Variants in TAX1BP1 observed in about 807,000 individuals in gnomAD.
The protein encoded by TAX1BP1 is tax1-binding protein 1.
A neutral mutation model predicts 97.7 loss-of-function variants in TAX1BP1; 62 were observed. That is an observed-to-expected ratio of 0.63 (90% CI 0.52 to 0.78). The LOEUF is 0.78. Among genes scored for constraint, TAX1BP1 ranks in the 30% least tolerant of loss-of-function variants. The pLI, the probability that TAX1BP1 is intolerant of heterozygous loss-of-function variation, is 0.00. For missense variants in TAX1BP1, 867 were observed against 916.1 expected (o/e 0.95, Z 0.69); for synonymous variants, 340 against 304.2 (o/e 1.12, Z -1.23).
intron 5 of TAX1BP1, among the ~76,000 whole-genome samples, chr7:27,779,561 T>C (rs576189526): frequency 6.6e-6 from 1 of 152,246 alleles, no homozygotes; most frequent in Non-Finnish European, 1.5e-5. Flanking sequence ...ATGCATATCT[T>C]ATACTTTATT....
intron 7 of TAX1BP1, among the ~76,000 whole-genome samples, chr7:27,786,900 G>A (rs1357515630): frequency 6.6e-6 from 1 of 152,192 alleles, no homozygotes; most frequent in Admixed American, 6.5e-5. Flanking sequence ...ATCAGCAATA[G>A]CGAGAGTCAT....
intron 15 of TAX1BP1, among the ~76,000 whole-genome samples, chr7:27,818,803 G>A (rs1181148019): frequency 6.6e-6 from 1 of 152,104 alleles, no homozygotes; most frequent in Admixed American, 6.6e-5. Flanking sequence ...TATGAGGTAG[G>A]AATTGTTACT....
chr7:27,768,697 A>G (rs1788733673), intron 4 of TAX1BP1, among the ~76,000 whole-genome samples: 1 of 152,008 alleles, frequency 6.6e-6, no homozygotes, highest in African/African-American at 2.4e-5. Context: ...AATAGATAAG[A>G]TATAAAAAAA....
At chr7:27,782,947 T>C (rs1385173043) in intron 5 of TAX1BP1, among the ~76,000 whole-genome samples, 2 of 152,200 alleles carry the variant, frequency 1.3e-5, no homozygotes, top group Non-Finnish European at 2.9e-5. Context: ...TAAAATGTGT[T>C]TAGCCACCTA....
chr7:27,768,586 A>G (rs920907500), intron 4 of TAX1BP1, among the ~76,000 whole-genome samples: 1 of 152,016 alleles, frequency 6.6e-6, no homozygotes, highest in Non-Finnish European at 1.5e-5. Flanking sequence ...CAAATTAATA[A>G]TGACATTAAC....
intron 15 of TAX1BP1, among the ~76,000 whole-genome samples, chr7:27,820,340 A>G (rs1233873383): frequency 1.3e-5 from 2 of 151,938 alleles, no homozygotes; most frequent in Non-Finnish European, 2.9e-5. Flanking sequence ...TTGATAGACA[A>G]TTTTTTTCTT....
chr7:27,813,148 T>C (rs1351103078), intron 13 of TAX1BP1, among the ~76,000 whole-genome samples: 1 of 145,508 alleles, frequency 6.9e-6, no homozygotes, highest in Admixed American at 6.8e-5. Context: ...TGTTCTGCTT[T>C]TTTTTTTTTT....
At chr7:27,782,232 G>C (rs533824118) in intron 5 of TAX1BP1, among the ~76,000 whole-genome samples, 1 of 151,212 alleles carries the variant, frequency 6.6e-6, no homozygotes, top group East Asian at 2.0e-4. Flanking sequence ...TTCTTTTCTT[G>C]TTTTATTTTA....
intron 2 of TAX1BP1, among the ~76,000 whole-genome samples, chr7:27,756,311 A>T (rs1267421620): frequency 6.6e-6 from 1 of 152,150 alleles, no homozygotes; most frequent in African/African-American, 2.4e-5. Flanking sequence ...ATGTATGCCC[A>T]ACATGCCCCT....
chr7:27,792,889 G>C (rs1789774104), intron 9 of TAX1BP1, among the ~76,000 whole-genome samples, 177 bp from the exon 10 acceptor site: 2 of 152,100 alleles, frequency 1.3e-5, no homozygotes, highest in African/African-American at 4.8e-5. Context: ...CTTGAGCCAG[G>C]AGGTCAAGGC....
chr7:27,814,475 A>T (rs564848690), intron 13 of TAX1BP1, among the ~76,000 whole-genome samples: 21 of 152,310 alleles, frequency 1.4e-4, no homozygotes, highest in Non-Finnish European at 1.3e-4. Context: ...TTAATAGCAT[A>T]AAAGTACTAA....
chr7:27,805,608 T>A (rs1025954253), intron 13 of TAX1BP1, among the ~76,000 whole-genome samples: 6 of 152,072 alleles, frequency 3.9e-5, no homozygotes, highest in African/African-American at 1.4e-4. Flanking sequence ...AGGCTGAGGC[T>A]TGTGGATCAC....
intron 11 of TAX1BP1, among the ~76,000 whole-genome samples, chr7:27,795,237 G>A (rs1789875204): frequency 6.6e-6 from 1 of 152,106 alleles, no homozygotes; most frequent in Non-Finnish European, 1.5e-5. Flanking sequence ...TGTATCCTCT[G>A]TAGTACCTAA....
intron 5 of TAX1BP1, among the ~76,000 whole-genome samples, chr7:27,781,753 G>A (rs1448075681): frequency 6.6e-6 from 1 of 151,332 alleles, no homozygotes; most frequent in Non-Finnish European, 1.5e-5. Flanking sequence ...TTACTCTGTT[G>A]CCCAGGCTGG....
chr7:27,752,056 T>A (rs1016119470), intron 2 of TAX1BP1, among the ~76,000 whole-genome samples: 5 of 152,152 alleles, frequency 3.3e-5, no homozygotes, highest in African/African-American at 1.2e-4. Context: ...GTAATAAAGT[T>A]TAGAAGTGAA....
chr7:27,782,465 G>T (rs1222717002), intron 5 of TAX1BP1, among the ~76,000 whole-genome samples: 1 of 151,926 alleles, frequency 6.6e-6, no homozygotes, highest in Non-Finnish European at 1.5e-5. Context: ...GGCCAGGCAG[G>T]TCTTGAACTA....
chr7:27,762,548 A>C (rs543499581), intron 3 of TAX1BP1, among the ~76,000 whole-genome samples: 199 of 152,242 alleles, frequency 1.3e-3, no homozygotes, highest in African/African-American at 4.2e-3. Flanking sequence ...AAATTTATTC[A>C]ATTTGTTATA....
chr7:27,740,501 G>C (rs1787534290), intron 1 of TAX1BP1: 1 of 152,566 alleles, frequency 6.6e-6, no homozygotes, highest in Non-Finnish European at 1.5e-5. Flanking sequence ...TTTTGGAATG[G>C]CAACGGGTGG....
intron 1 of TAX1BP1, among the ~76,000 whole-genome samples, chr7:27,743,243 C>G (rs905716476): frequency 6.6e-6 from 1 of 152,190 alleles, no homozygotes; most frequent in Non-Finnish European, 1.5e-5. Context: ...GGGGCTTTTG[C>G]TGTTGCCTCC....
Sources: allele counts gnomAD v4.1 joint callset (sites outside exome capture counted in the v4.1 genomes callset), GRCh38; gene constraint gnomAD v4.1.1; transcripts MANE v1.5; gene names NCBI Gene and HGNC (gene_info 2026-07-23, HGNC 2026-07-21).